Variants in FAM78B observed in about 807,000 individuals in gnomAD.
FAM78B encodes protein FAM78B.
Under a neutral mutation model 20.0 loss-of-function variants are expected in FAM78B, and 10 were observed. The observed-to-expected ratio is 0.50, with a 90% CI of 0.31 to 0.85. The LOEUF (loss-of-function observed/expected upper bound fraction) is 0.85, where lower values mean the gene tolerates loss of function less well. FAM78B is among the 40% of genes least tolerant of loss of function. The probability of loss-of-function intolerance (pLI) is 0.05; values close to 1 mark genes in which losing one functional copy is unlikely to be tolerated. For synonymous variants in FAM78B, 135 were observed against 132.8 expected (o/e 1.02, Z -0.12); for missense variants, 283 against 345.0 (o/e 0.82, Z 1.42).
At chr1:166,094,817 A>G (rs1159809739) in intron 1 of FAM78B, among the ~76,000 whole-genome samples, 1 of 152,228 alleles carries the variant, frequency 6.6e-6, no homozygotes, top group East Asian at 1.9e-4. Flanking sequence ...CGTGACAGCA[A>G]TAACAGTGCT....
chr1:166,080,871 C>G (rs1652541315), intron 1 of FAM78B, among the ~76,000 whole-genome samples: 1 of 152,238 alleles, frequency 6.6e-6, no homozygotes, highest in African/African-American at 2.4e-5. Flanking sequence ...GAGGTGGAGT[C>G]TGACACAAGG....
intron 1 of FAM78B, among the ~76,000 whole-genome samples, chr1:166,151,872 C>T (rs72703955): frequency 5.3e-4 from 80 of 152,308 alleles, no homozygotes; most frequent in Admixed American, 1.7e-3. Flanking sequence ...TCAACTTTGA[C>T]GGCCCAGTAG....
intron 1 of FAM78B, among the ~76,000 whole-genome samples, chr1:166,148,794 C>T (rs1321716595): frequency 6.6e-6 from 1 of 152,254 alleles, no homozygotes; most frequent in Non-Finnish European, 1.5e-5. Context: ...TTCCTGTAGA[C>T]TGTCATCCCA....
chr1:166,064,326 A>T (rs963793070), downstream of FAM78B, among the ~76,000 whole-genome samples: 2 of 152,168 alleles, frequency 1.3e-5, no homozygotes, highest in African/African-American at 4.8e-5. Flanking sequence ...AGACCCACAT[A>T]AAACTTTGAA....
At chr1:166,137,335 G>A (rs1018316070) in intron 1 of FAM78B, among the ~76,000 whole-genome samples, 5 of 152,202 alleles carry the variant, frequency 3.3e-5, no homozygotes, top group African/African-American at 1.2e-4. Context: ...GCAAAGGACT[G>A]AAAGGACTAA....
At position 166,080,585 on chromosome 1, in the gene FAM78B, G is replaced by A. The variant is rs538598597; in HGVS notation, c.264-9822C>T. Reference sequence around the variant, plus strand: ...GCGTTAACTTTACTGCACTTAGAGGGTGGGAAAAGAGGCTTCTGCCTTTTC... The same window carrying A: ...GCGTTAACTTTACTGCACTTAGAGGATGGGAAAAGAGGCTTCTGCCTTTTC... On this transcript the variant is annotated intron_variant, in intron 1 of 1. Coordinates refer to ENST00000354422, the MANE Select transcript of FAM78B (RefSeq NM_001017961.5). 2.0e-4 allele frequency among the ~76,000 whole-genome samples: 30 copies of A among 152,330 alleles called. No individual in the cohort carries two copies. The South Asian group carries it at 6.2e-3, about 32-fold the overall frequency.
chr1:166,115,167 C>T (rs1421333911), intron 1 of FAM78B, among the ~76,000 whole-genome samples: 1 of 152,146 alleles, frequency 6.6e-6, no homozygotes, highest in Non-Finnish European at 1.5e-5. Flanking sequence ...CAGCAGTAAA[C>T]GAAACAAAGC....
chr1:166,145,565 G>C (rs953146872), intron 1 of FAM78B, among the ~76,000 whole-genome samples: 1 of 152,212 alleles, frequency 6.6e-6, no homozygotes, highest in Admixed American at 6.5e-5. Context: ...TGAGTCAGAT[G>C]TTTTCCAAAA....
chr1:166,166,255 GC>G lies in FAM78B; in HGVS notation c.-8del. ...TGCTTTGGATACAGCCCATCCTGCA[GC>G]CCGGTGCCGGCACGGCGCGGCGTGG... On this transcript the variant is annotated 5_prime_UTR_variant, in exon 1 of 2. Coordinates refer to ENST00000354422, the MANE Select transcript of FAM78B (RefSeq NM_001017961.5). The G allele has an allele frequency of 7.1e-7, 1 of 1,399,752 alleles. No homozygotes were observed. The highest frequency in any genetic ancestry group is 9.4e-7 in the Non-Finnish European group (1 of 1,069,446). The allele number at this position is 1,399,752 out of a possible 1,614,324, so 86.7% of individuals were successfully genotyped here.
chr1:166,084,237 A>ACTCTCTCTCTCTCT (rs372134890), intron 1 of FAM78B, among the ~76,000 whole-genome samples: 31 of 125,396 alleles, frequency 2.5e-4, no homozygotes, highest in African/African-American at 9.1e-4. Context: ...ACACACACAC[A>ACTCTCTCTCTCTCT]CTCTCTCTCT....
chr1:166,073,966 G>A (rs1239269373), intron 1 of FAM78B, among the ~76,000 whole-genome samples: 2 of 152,032 alleles, frequency 1.3e-5, no homozygotes, highest in Non-Finnish European at 2.9e-5. Flanking sequence ...AACTCTTACT[G>A]CCTTCACTTA....
intron 1 of FAM78B, among the ~76,000 whole-genome samples, chr1:166,090,432 A>G (rs1003327116): frequency 6.6e-6 from 1 of 152,192 alleles, no homozygotes; most frequent in African/African-American, 2.4e-5. Flanking sequence ...GAAAAAAACA[A>G]AACAGGGGAA....
intron 1 of FAM78B, among the ~76,000 whole-genome samples, chr1:166,128,008 T>C (rs1654704673): frequency 6.6e-6 from 1 of 152,166 alleles, no homozygotes. Context: ...AAACCACCTA[T>C]GAAATTGGCC....
intron 1 of FAM78B, among the ~76,000 whole-genome samples, chr1:166,155,235 T>C (rs1412492899): frequency 6.6e-6 from 1 of 152,250 alleles, no homozygotes; most frequent in Non-Finnish European, 1.5e-5. Context: ...TTCATTCATT[T>C]GGACATTCAT....
chr1:166,058,490 C>T (rs1651441304), exon 3 of FAM78B: 4 of 143,066 alleles, frequency 2.8e-5, no homozygotes, highest in Middle Eastern at 3.4e-3. Context: ...TCACAGGTTT[C>T]CCTAGGCTTT....
intron 1 of FAM78B, among the ~76,000 whole-genome samples, chr1:166,118,278 C>A (rs1654331850): frequency 6.6e-6 from 1 of 152,084 alleles, no homozygotes; most frequent in African/African-American, 2.4e-5. Flanking sequence ...GAGCTTTCAG[C>A]ATGAAGGGTG....
At chr1:166,064,904 G>A (rs141196437), downstream of FAM78B, among the ~76,000 whole-genome samples, 83 of 152,296 alleles carry the variant, frequency 5.4e-4, no homozygotes, top group African/African-American at 1.9e-3. Flanking sequence ...TAAATGATTT[G>A]TTCAAGTCCA....
Position 166,118,717 on chromosome 1 carries a change from C to T in FAM78B, c.263+47269G>A, listed in dbSNP as rs181532730. 1.3e-3 allele frequency among the ~76,000 whole-genome samples: 205 copies of T among 152,176 alleles called. 1 individual carries two copies. The highest frequency in any genetic ancestry group is 4.7e-3 in the African/African-American group (194 of 41,522). ...CCCTTCAGAGAAAATGTTTGCAACC[C>T]TTTGATGCAATCTAACCCTCCATTA... On this transcript the variant is annotated intron_variant, in intron 1 of 1. Coordinates refer to ENST00000354422, the MANE Select transcript of FAM78B (RefSeq NM_001017961.5).
chr1:166,094,895 CTT>C (rs1168629746), intron 1 of FAM78B, among the ~76,000 whole-genome samples: 1 of 152,172 alleles, frequency 6.6e-6, no homozygotes, highest in Non-Finnish European at 1.5e-5. Flanking sequence ...ACATAAATTT[CTT>C]TGTTTCACCT....
Sources: gnomAD v4.1 joint callset for allele counts (sites outside exome capture counted in the v4.1 genomes callset) on GRCh38, gnomAD v4.1.1 for gene constraint, MANE v1.5 for transcripts, NCBI Gene and HGNC (gene_info 2026-07-23, HGNC 2026-07-21) for gene names.